CFAP54: variants seen among roughly 807,000 people sequenced by gnomAD.
CFAP54 encodes cilia- and flagella-associated protein 54.
Under a neutral mutation model 370.4 loss-of-function variants are expected in CFAP54, and 290 were observed. That is an observed-to-expected ratio of 0.78 (90% confidence interval 0.71 to 0.86). The LOEUF is 0.86. CFAP54 is among the 40% of genes least tolerant of loss of function. CFAP54 has a pLI of 0.00. For missense variants in CFAP54, 3,399 were observed against 3,528.7 expected (o/e 0.96, Z 0.93); for synonymous variants, 1,206 against 1,236.5 (o/e 0.98, Z 0.52).
rs1956525726 is a variant in CFAP54 at position 96,623,857 on chromosome 12, C to A, written c.3862C>A (p.His1288Asn). The A allele has an allele frequency of 6.5e-7, 1 of 1,534,174 alleles. No individual in the cohort carries two copies. The highest frequency in any genetic ancestry group is 1.4e-5 in the African/African-American group (1 of 73,008). The change falls in exon 28 of 68, where the codon CAC (histidine) becomes AAC (asparagine). Residue 1288 changes from histidine (H) to asparagine (N), a missense_variant. Around this residue, in one of 3 missense-constraint regions of CFAP54, gnomAD observed 2,796 missense variants for 2,869.7 expected, o/e 0.97. Transcript: ENST00000524981. ...TGAACAGCTGGCCTTGTTGGAGACACACCTACTCAAACTGACAAAGCAATG... is the reference window on the plus strand; with the variant it reads ...TGAACAGCTGGCCTTGTTGGAGACAAACCTACTCAAACTGACAAAGCAATG... ...INEQLALLET[H>N]LLKLTKQYVT...
intron 1 of CFAP54, among the ~76,000 whole-genome samples, chr12:96,490,435 C>T (rs1026081433): frequency 2.0e-5 from 3 of 152,164 alleles, no homozygotes; most frequent in African/African-American, 4.8e-5. Context: ...TGAGCTACCT[C>T]GAAGTTATTC....
intron 17 of CFAP54, among the ~76,000 whole-genome samples, chr12:96,561,748 T>TAG (rs1955819187): frequency 7.2e-6 from 1 of 139,802 alleles, no homozygotes; most frequent in South Asian, 2.3e-4. Context: ...CACACACACA[T>TAG]GTATATATAT....
intron 32 of CFAP54, among the ~76,000 whole-genome samples, chr12:96,638,201 AT>A (rs1956681667): frequency 8.5e-6 from 1 of 118,206 alleles, no homozygotes; most frequent in Non-Finnish European, 1.8e-5. Flanking sequence ...ATATATATAT[AT>A]GCATGTGTGT....
chr12:96,678,572 C>T (rs184342363), intron 39 of CFAP54, among the ~76,000 whole-genome samples: 3 of 152,224 alleles, frequency 2.0e-5, no homozygotes, highest in Admixed American at 2.0e-4. Context: ...TGTTCTTATT[C>T]TAACTATCTA....
intron 39 of CFAP54, among the ~76,000 whole-genome samples, chr12:96,664,703 A>C (rs369103092): frequency 0.099 from 1,206 of 12,180 alleles, 169 homozygotes; most frequent in Middle Eastern, 0.23. Flanking sequence ...ATATCTATAT[A>C]TATATATATA....
Position 96,616,764 on chromosome 12 carries a change from G to A in CFAP54, c.3640-4826G>A, listed in dbSNP as rs75674201. Among the ~76,000 whole-genome samples, 461 of 152,256 alleles carry A rather than the reference G, an allele frequency of 3.0e-3. 4 individuals are homozygous for A. Among genetic ancestry groups the A allele is most frequent in the African/African-American group, 0.01 (421 of 41,532 alleles). ...TGCAATATTTCAGTTGCCTTAAAAG[G>A]TTGAGCAATGGACAGGTACCAGGTG... On this transcript the variant is annotated intron_variant, in intron 26 of 67. Coordinates refer to ENST00000524981, the MANE Select transcript of CFAP54 (RefSeq NM_001306084.2).
At chr12:96,867,231 C>T (rs573423174) in intron 67 of CFAP54, among the ~76,000 whole-genome samples, 1 of 152,226 alleles carries the variant, frequency 6.6e-6, no homozygotes, top group South Asian at 2.1e-4. Flanking sequence ...TTTGATAGAT[C>T]TTATTCATTA....
rs149412630 is a variant in CFAP54, at chr12:96,533,253, A to G, written c.1358-539A>G. Reference sequence around the variant, plus strand: ...GTAACAGAGACTATAGGTGCACGCCAATAAGCCTGGCTAGTCCTTTTCTTC... The same window carrying G: ...GTAACAGAGACTATAGGTGCACGCCGATAAGCCTGGCTAGTCCTTTTCTTC... On this transcript the variant is annotated intron_variant, in intron 9 of 67. Transcript: ENST00000524981. Among the ~76,000 whole-genome samples, 218 of 152,222 alleles carry G rather than the reference A, an allele frequency of 1.4e-3. 1 individual carries two copies. Among genetic ancestry groups the G allele is most frequent in the African/African-American group, 5.1e-3 (211 of 41,520 alleles).
intron 60 of CFAP54, among the ~76,000 whole-genome samples, chr12:96,782,644 A>G (rs1958591904): frequency 6.6e-6 from 1 of 152,178 alleles, no homozygotes; most frequent in Non-Finnish European, 1.5e-5. Flanking sequence ...CTCAGTATTG[A>G]CAAATGCCAA....
intron 32 of CFAP54, among the ~76,000 whole-genome samples, chr12:96,637,901 A>G (rs1294857886): frequency 1.3e-5 from 2 of 152,194 alleles, no homozygotes; most frequent in African/African-American, 4.8e-5. Flanking sequence ...CCATCTTGTC[A>G]TAATTGCCTA....
chr12:96,862,383 T>C (rs760965668), intron 67 of CFAP54, among the ~76,000 whole-genome samples: 1 of 152,146 alleles, frequency 6.6e-6, no homozygotes, highest in Non-Finnish European at 1.5e-5. Context: ...ACAGTCATGA[T>C]GGAAAACAAA....
chr12:96,649,195 G>A (rs763542733), intron 34 of CFAP54, among the ~76,000 whole-genome samples: 4 of 152,136 alleles, frequency 2.6e-5, no homozygotes, highest in Non-Finnish European at 5.9e-5. Context: ...ACTTCTTCTA[G>A]GATATAGATT....
chr12:96,720,467 G>C lies in CFAP54; in HGVS notation c.6867G>C (p.Lys2289Asn). ...TCCTTCTGTCCGAGGTGGAACAGAA[G>C]ACCCTGTCTCAGTGCTCCGCTGGCG... ...LNFLLSEVEQ[K>N]TLSQCSAGEL... The change falls in exon 50 of 68, where the codon AAG (lysine) becomes AAC (asparagine). Residue 2289 changes from lysine (K) to asparagine (N), a missense_variant. This residue lies in a region of CFAP54 where 2,796 missense variants were observed against 2,869.7 expected (regional missense o/e 0.97). Transcript: ENST00000524981. 6.2e-7 allele frequency: 1 copy of C among 1,604,970 alleles called. No individual in the cohort carries two copies. Among genetic ancestry groups the C allele is most frequent in the Non-Finnish European group, 8.5e-7 (1 of 1,175,306 alleles).
Position 96,623,850 on chromosome 12 carries a change from G to C in CFAP54, c.3855G>C (p.Leu1285Phe). 6.5e-7 allele frequency: 1 copy of C among 1,535,040 alleles called. No individual in the cohort carries two copies. Among genetic ancestry groups the C allele is most frequent in the East Asian group, 2.4e-5 (1 of 40,890 alleles). The change falls in exon 28 of 68, where the codon TTG becomes TTC. Residue 1285 changes from leucine to phenylalanine, a missense_variant. By Grantham distance (22) the Leu-to-Phe change is conservative (BLOSUM62 0). Coordinates refer to ENST00000524981, the MANE Select transcript of CFAP54 (RefSeq NM_001306084.2). ...AGATAAATGAACAGCTGGCCTTGTT[G>C]GAGACACACCTACTCAAACTGACAA... is the stretch of plus-strand genomic sequence containing the variant. Reference protein sequence around the residue: ...PEKINEQLALLETHLLKLTKQ... With the variant: ...PEKINEQLALFETHLLKLTKQ...
chr12:96,713,625 A>C (rs1364847226), intron 48 of CFAP54, among the ~76,000 whole-genome samples: 1 of 152,232 alleles, frequency 6.6e-6, no homozygotes, highest in African/African-American at 2.4e-5. Flanking sequence ...AATTAAATGA[A>C]TAAAGGCATT....
chr12:96,610,810 C>A (rs897933935), intron 26 of CFAP54, among the ~76,000 whole-genome samples: 1 of 152,176 alleles, frequency 6.6e-6, no homozygotes, highest in African/African-American at 2.4e-5. Context: ...AGTCTGAGAC[C>A]GAGCTGCAAG....
chr12:96,680,735 T>G (rs1957259795), intron 40 of CFAP54, among the ~76,000 whole-genome samples: 1 of 152,036 alleles, frequency 6.6e-6, no homozygotes, highest in South Asian at 2.1e-4. Flanking sequence ...CACATTATGT[T>G]AAATTAGTTC....
chr12:96,520,227 T>C (rs1955289399), intron 6 of CFAP54, among the ~76,000 whole-genome samples: 1 of 152,176 alleles, frequency 6.6e-6, no homozygotes, highest in Non-Finnish European at 1.5e-5. Context: ...TTTCATTTCA[T>C]TTTGATTGAG....
chr12:96,785,115 G>A (rs1411071933), intron 61 of CFAP54, among the ~76,000 whole-genome samples: 2 of 152,142 alleles, frequency 1.3e-5, no homozygotes, highest in African/African-American at 4.8e-5. Context: ...TATTTCATAT[G>A]TTTAAAAACA....
Sources: allele counts gnomAD v4.1 joint callset (sites outside exome capture counted in the v4.1 genomes callset), GRCh38; gene constraint gnomAD v4.1.1; regional missense constraint gnomAD v4.1.1; transcripts MANE v1.5; gene names NCBI Gene and HGNC (gene_info 2026-07-23, HGNC 2026-07-21).